Variants in KHDRBS3 observed in about 807,000 individuals in gnomAD.
KHDRBS3 encodes the protein KH domain-containing, RNA-binding, signal transduction-associated protein 3.
In KHDRBS3, 23 loss-of-function variants were observed where a neutral mutation model predicts 45.6. The ratio of observed to expected loss-of-function variants is 0.50; its 90% CI spans 0.36 to 0.72. KHDRBS3 has a LOEUF of 0.72. KHDRBS3 is among the 30% of genes least tolerant of loss of function. The pLI is 0.00. For missense variants in KHDRBS3, 352 were observed against 424.8 expected (o/e 0.83, Z 1.51); for synonymous variants, 162 against 156.5 (o/e 1.04, Z -0.26).
chr8:135,626,077 T>G (rs945127597), intron 7 of KHDRBS3: 14 of 529,916 alleles, frequency 2.6e-5, no homozygotes, highest in African/African-American at 2.4e-4. Flanking sequence ...CTGAATAGAT[T>G]GTATGACAAC....
At chr8:135,522,263 T>G (rs1824951736) in intron 2 of KHDRBS3, among the ~76,000 whole-genome samples, 1 of 152,226 alleles carries the variant, frequency 6.6e-6, no homozygotes, top group South Asian at 2.1e-4. Context: ...TCCATGTCCC[T>G]GCAAAGGACA....
intron 7 of KHDRBS3, among the ~76,000 whole-genome samples, chr8:135,621,922 G>T (rs1830159634): frequency 6.6e-6 from 1 of 151,684 alleles, no homozygotes; most frequent in African/African-American, 2.4e-5. Context: ...TATCAATGAA[G>T]GTGCTCCCCA....
At chr8:135,581,748 C>T in intron 5 of KHDRBS3, 130 bp from the exon 6 acceptor site, 1 of 749,128 alleles carries the variant, frequency 1.3e-6, no homozygotes, top group Non-Finnish European at 2.1e-6. Context: ...TAGTTCTTTG[C>T]TTGTGACTTC....
At chr8:135,600,003 A>G (rs1248204155) in intron 6 of KHDRBS3, among the ~76,000 whole-genome samples, 2 of 140,480 alleles carry the variant, frequency 1.4e-5, no homozygotes, top group Non-Finnish European at 3.1e-5. Context: ...CCTCCCTCAC[A>G]GCACCAGGCA....
intron 6 of KHDRBS3, among the ~76,000 whole-genome samples, chr8:135,604,291 C>T (rs1051083485): frequency 9.4e-6 from 1 of 106,270 alleles, no homozygotes; most frequent in Non-Finnish European, 1.9e-5. Context: ...CCATACTTTT[C>T]CTTTCAACCT....
chr8:135,628,566 A>G (rs1830468921), intron 7 of KHDRBS3, among the ~76,000 whole-genome samples: 1 of 152,232 alleles, frequency 6.6e-6, no homozygotes, highest in Non-Finnish European at 1.5e-5. Flanking sequence ...TAGGTATTTG[A>G]TAAGTGATAT....
intron 1 of KHDRBS3, among the ~76,000 whole-genome samples, chr8:135,478,223 C>T (rs1016028562): frequency 3.9e-5 from 6 of 152,310 alleles, no homozygotes; most frequent in Middle Eastern, 3.4e-3. Context: ...TGCTGCCTTA[C>T]ATACCCATTT....
intron 6 of KHDRBS3, among the ~76,000 whole-genome samples, chr8:135,595,327 A>G (rs1237337367): frequency 6.6e-6 from 1 of 152,184 alleles, no homozygotes; most frequent in African/African-American, 2.4e-5. Context: ...GTGAGAATTC[A>G]CTAAGCTGTG....
chr8:135,605,378 A>T (rs1563801063), intron 6 of KHDRBS3, among the ~76,000 whole-genome samples: 1 of 151,910 alleles, frequency 6.6e-6, no homozygotes. Context: ...CTTCAAGTTG[A>T]CTGAGTTTTT....
intron 6 of KHDRBS3, among the ~76,000 whole-genome samples, chr8:135,596,741 T>C (rs4909490): frequency 0.39 from 59,765 of 151,944 alleles, 12,839 homozygotes; most frequent in South Asian, 0.53. Flanking sequence ...TATAGAAAAA[T>C]AGACATTTTG....
intron 1 of KHDRBS3, among the ~76,000 whole-genome samples, chr8:135,517,727 G>A (rs1167695681): frequency 1.3e-5 from 2 of 152,124 alleles, no homozygotes; most frequent in African/African-American, 2.4e-5. Flanking sequence ...TGACTCCCGC[G>A]ATGGGGCTCA....
chr8:135,585,623 C>G (rs1828435288), intron 6 of KHDRBS3, among the ~76,000 whole-genome samples: 1 of 152,178 alleles, frequency 6.6e-6, no homozygotes, highest in Admixed American at 6.5e-5. Flanking sequence ...AGAGAACCCA[C>G]CACAGATGCC....
chr8:135,631,160 G>A (rs1472646936), intron 7 of KHDRBS3, among the ~76,000 whole-genome samples: 1 of 149,958 alleles, frequency 6.7e-6, no homozygotes, highest in Non-Finnish European at 1.5e-5. Context: ...CTGAGGCAGG[G>A]GAATTGCTTG....
At chr8:135,595,635 T>G (rs1266734210) in intron 6 of KHDRBS3, among the ~76,000 whole-genome samples, 1 of 152,254 alleles carries the variant, frequency 6.6e-6, no homozygotes, top group Non-Finnish European at 1.5e-5. Context: ...GTGAATTACA[T>G]GTGCCTTCTG....
At chr8:135,653,789 T>A (rs1831477299) in intron 4 of KHDRBS3, among the ~76,000 whole-genome samples, 1 of 152,244 alleles carries the variant, frequency 6.6e-6, no homozygotes, top group African/African-American at 2.4e-5. Context: ...TACAGTGGGT[T>A]TATGAGGACA....
chr8:135,526,329 A>C (rs1010666356), intron 2 of KHDRBS3, among the ~76,000 whole-genome samples: 5 of 151,788 alleles, frequency 3.3e-5, no homozygotes, highest in Admixed American at 6.6e-5. Flanking sequence ...TTATAATTTA[A>C]AATTTAATTT....
intron 7 of KHDRBS3, among the ~76,000 whole-genome samples, chr8:135,633,853 A>G (rs1194686597): frequency 1.3e-5 from 2 of 152,202 alleles, no homozygotes; most frequent in Middle Eastern, 3.2e-3. Context: ...GTTTGTTACA[A>G]TCAGTGAACC....
At chr8:135,543,930 T>G (rs993055720) in intron 3 of KHDRBS3, among the ~76,000 whole-genome samples, 1 of 152,212 alleles carries the variant, frequency 6.6e-6, no homozygotes, top group Non-Finnish European at 1.5e-5. Flanking sequence ...AAAATGAATT[T>G]CAGTAGGTGT....
At chr8:135,551,669 G>T (rs2071188050) in intron 4 of KHDRBS3, among the ~76,000 whole-genome samples, 1 of 152,090 alleles carries the variant, frequency 6.6e-6, no homozygotes, top group Admixed American at 6.6e-5. Context: ...GTTTGTTAAG[G>T]ATTTTTACAT....
Sources: allele counts gnomAD v4.1 joint callset (sites outside exome capture counted in the v4.1 genomes callset), GRCh38; gene constraint gnomAD v4.1.1; transcripts MANE v1.5; gene names NCBI Gene and HGNC (gene_info 2026-07-23, HGNC 2026-07-21).